The following NRXN3 variants were observed in gnomAD, a reference collection of about 807,000 sequenced individuals.
The protein encoded by NRXN3 is neurexin 3, also known as neurexin III.
Under a neutral mutation model 137.6 loss-of-function variants are expected in NRXN3, and 32 were observed. That is an observed-to-expected ratio of 0.23 (90% CI 0.18 to 0.31). The LOEUF is 0.31. NRXN3 is among the 10% of genes least tolerant of loss of function. NRXN3 has a pLI of 1.00. For missense variants in NRXN3, 1,574 were observed against 2,062.5 expected (o/e 0.76, Z 4.59); for synonymous variants, 798 against 784.5 (o/e 1.02, Z -0.29).
At chr14:78,287,877 C>G (rs1470890116) in intron 3 of NRXN3, among the ~76,000 whole-genome samples, 1 of 151,994 alleles carries the variant, frequency 6.6e-6, no homozygotes, top group Non-Finnish European at 1.5e-5. Flanking sequence ...AAAAATGACA[C>G]ATTTTATTTT....
At position 79,140,844 on chromosome 14, in the gene NRXN3, A is replaced by C. The variant is rs1380182699; in HGVS notation, c.3262+152703A>C. On this transcript the variant is annotated intron_variant, in intron 15 of 20. Transcript: ENST00000335750. ...TTGTCCTTATTACTACCACTTTTAG[A>C]ATGCCTTAACTTGCCCTTAATGCCT... 5.3e-5 allele frequency among the ~76,000 whole-genome samples: 8 copies of C among 152,280 alleles called. No homozygotes were observed. In the East Asian group the frequency reaches 1.5e-3, roughly 29 times the overall value.
intron 20 of NRXN3, among the ~76,000 whole-genome samples, chr14:79,851,235 T>G (rs2099390705): frequency 6.6e-6 from 1 of 152,212 alleles, no homozygotes; most frequent in South Asian, 2.1e-4. Context: ...ATTCTACAGA[T>G]GTCATTTGAT....
chr14:79,359,610 G>A (rs994302097), intron 15 of NRXN3, among the ~76,000 whole-genome samples: 40 of 140,294 alleles, frequency 2.9e-4, no homozygotes, highest in African/African-American at 6.7e-4. Context: ...TTGCTCTGTC[G>A]CCCAGGCTGG....
intron 8 of NRXN3, among the ~76,000 whole-genome samples, chr14:78,791,293 G>T (rs2098804414): frequency 6.6e-6 from 1 of 152,112 alleles, no homozygotes; most frequent in South Asian, 2.1e-4. Context: ...ACAGCTGCCT[G>T]CTAGGGGTTT....
chr14:78,369,551 C>T (rs2086499131), intron 4 of NRXN3, among the ~76,000 whole-genome samples: 2 of 152,140 alleles, frequency 1.3e-5, no homozygotes, highest in South Asian at 4.1e-4. Flanking sequence ...TATGTATGCT[C>T]CTGGCCTCCT....
chr14:78,987,942 G>A, intron 14 of NRXN3, 80 bp from the exon 15 acceptor site: 1 of 1,470,408 alleles, frequency 6.8e-7, no homozygotes, highest in South Asian at 1.4e-5. Context: ...GTAAATTCAG[G>A]TGATTTCCTT....
chr14:78,462,900 G>A (rs1164202558), intron 4 of NRXN3, among the ~76,000 whole-genome samples: 1 of 152,144 alleles, frequency 6.6e-6, no homozygotes, highest in Non-Finnish European at 1.5e-5. Flanking sequence ...TTTGTTACAT[G>A]TGTATATTAC....
At chr14:78,718,408 G>A (rs1338764939) in intron 8 of NRXN3, among the ~76,000 whole-genome samples, 3 of 152,058 alleles carry the variant, frequency 2.0e-5, no homozygotes, top group Admixed American at 6.6e-5. Context: ...CATGGCCCAG[G>A]TCAGACACTA....
chr14:78,496,563 G>C (rs1321795976), intron 4 of NRXN3, among the ~76,000 whole-genome samples: 3 of 152,112 alleles, frequency 2.0e-5, no homozygotes, highest in Admixed American at 6.5e-5. Flanking sequence ...GGAACAAAAA[G>C]AGAGGAAAAA....
At chr14:78,359,657 C>T (rs558867714) in intron 4 of NRXN3, among the ~76,000 whole-genome samples, 50 of 152,180 alleles carry the variant, frequency 3.3e-4, no homozygotes, top group African/African-American at 9.6e-4. Context: ...AGGGTGTGGA[C>T]GATGCCTTGA....
Position 79,075,592 on chromosome 14 carries a change from A to G in NRXN3, c.3262+87451A>G, listed in dbSNP as rs114080281. 2.5e-3 allele frequency among the ~76,000 whole-genome samples: 376 copies of G among 152,172 alleles called. 2 individuals carry two copies. Among genetic ancestry groups the G allele is most frequent in the African/African-American group, 8.5e-3 (355 of 41,532 alleles). ...GATTATTAATTGGTTCCAGTGGTGT[A>G]TATTTCAGATATTTAATTAAGTCTT... On this transcript the variant is annotated intron_variant, in intron 15 of 20. Coordinates refer to ENST00000335750, the MANE Select transcript of NRXN3 (RefSeq NM_001330195.2).
intron 15 of NRXN3, among the ~76,000 whole-genome samples, chr14:79,344,745 T>C (rs2153372215): frequency 6.6e-6 from 1 of 152,298 alleles, no homozygotes; most frequent in Middle Eastern, 3.4e-3. Flanking sequence ...ATTTCTCTTT[T>C]GAAACTGAAA....
chr14:78,898,917 G>A (rs1567646287), intron 10 of NRXN3, among the ~76,000 whole-genome samples: 1 of 151,922 alleles, frequency 6.6e-6, no homozygotes, highest in Non-Finnish European at 1.5e-5. Flanking sequence ...TTAAAAATTA[G>A]AATAGGTTCA....
chr14:78,524,053 G>T (rs1317565773), intron 4 of NRXN3, among the ~76,000 whole-genome samples: 1 of 152,082 alleles, frequency 6.6e-6, no homozygotes, highest in Admixed American at 6.6e-5. Flanking sequence ...CATAGATTTT[G>T]GCATTTTGTT....
chr14:79,401,043 C>T (rs1178906356), intron 15 of NRXN3, among the ~76,000 whole-genome samples: 1 of 152,208 alleles, frequency 6.6e-6, no homozygotes, highest in Non-Finnish European at 1.5e-5. Context: ...GGTGCAGGAA[C>T]ACACAGGCAG....
At chr14:78,943,624 ATATATATATATATATATAT>A (rs2099358954) in intron 10 of NRXN3, among the ~76,000 whole-genome samples, 241 of 15,840 alleles carry the variant, frequency 0.015, 36 homozygotes, top group East Asian at 0.075. Flanking sequence ...AAAAAAAAAT[ATATATATATATATATATAT>A]ATATATATAT....
At chr14:79,570,873 A>C (rs551025362) in intron 16 of NRXN3, among the ~76,000 whole-genome samples, 5 of 152,274 alleles carry the variant, frequency 3.3e-5, no homozygotes, top group African/African-American at 1.2e-4. Flanking sequence ...TCCTAGGCAG[A>C]TGCATGCAGA....
chr14:79,415,576 A>G (rs1403693745), intron 15 of NRXN3, among the ~76,000 whole-genome samples: 1 of 152,088 alleles, frequency 6.6e-6, no homozygotes, highest in Non-Finnish European at 1.5e-5. Flanking sequence ...GATAACTGTT[A>G]CTCAAAAGAG....
chr14:79,138,866 A>C (rs537389251), intron 15 of NRXN3, among the ~76,000 whole-genome samples: 90 of 152,360 alleles, frequency 5.9e-4, no homozygotes, highest in Non-Finnish European at 9.4e-4. Context: ...CAGGATACAA[A>C]AGTCAGTGTG....
Sources: gnomAD v4.1 joint callset for allele counts (sites outside exome capture counted in the v4.1 genomes callset) on GRCh38, gnomAD v4.1.1 for gene constraint, MANE v1.5 for transcripts, NCBI Gene and HGNC (gene_info 2026-07-23, HGNC 2026-07-21) for gene names.